Variants in PSME4 observed in about 807,000 individuals in gnomAD.
PSME4 encodes the protein proteasome activator subunit 4.
Under a neutral mutation model 253.9 loss-of-function variants are expected in PSME4, and 89 were observed. The observed-to-expected ratio is 0.35, with a 90% CI of 0.30 to 0.42. PSME4 has a LOEUF of 0.42. Among genes scored for constraint, PSME4 ranks in the 10% least tolerant of loss-of-function variants. PSME4 has a pLI of 1.00. For synonymous variants in PSME4, 851 were observed against 759.2 expected (o/e 1.12, Z -1.99); for missense variants, 2,014 against 2,195.2 (o/e 0.92, Z 1.65).
intron 32 of PSME4, 64 bp downstream of exon 32, chr2:53,896,740 C>A: frequency 1.6e-6 from 2 of 1,250,842 alleles, no homozygotes; most frequent in Non-Finnish European, 2.3e-6. Flanking sequence ...AGAATTTATA[C>A]ATGTCAAGAA....
rs371296070 is a variant in PSME4, at chr2:53,895,563, G to A, written c.3842+20C>T. 127 of 1,595,724 alleles carry A rather than the reference G, an allele frequency of 8.0e-5. No individual in the cohort carries two copies. The highest frequency in any genetic ancestry group is 1.0e-4 in the Non-Finnish European group (118 of 1,172,890). On this transcript the variant is annotated intron_variant, in intron 33 of 46. Transcript: ENST00000404125. The stretch of plus-strand genomic sequence containing the variant: ...TATATCAAAGGCATTTAATGATAAG[G>A]TGCACAGTAAGTTACTTACTTTGGC...
intron 25 of PSME4, 52 bp downstream of exon 25, chr2:53,906,754 A>G (rs367882016): frequency 7.5e-6 from 12 of 1,600,208 alleles, no homozygotes; most frequent in Non-Finnish European, 1.0e-5. Context: ...CTAAATACTC[A>G]TCTGGAAAAT....
In PSME4 at chr2:53,885,832, A is replaced by G. The variant is rs1046177542; in HGVS notation, c.4730-57T>C. The G allele has an allele frequency of 2.2e-5, 27 of 1,250,352 alleles. No homozygotes were observed. In the African/African-American group the frequency reaches 3.5e-4, roughly 16 times the overall value. The allele number at this position is 1,250,352 out of a possible 1,614,324, so 77.5% of individuals were successfully genotyped here. The stretch of plus-strand genomic sequence containing the variant: ...TTTGCCATTCATTTACAGACCACAA[A>G]GTAGAACAATATTGTAATGTTATTG... On this transcript the variant is annotated intron_variant, in intron 40 of 46. Transcript: ENST00000404125.
chr2:53,960,398 CAAA>C (rs1355944056), intron 1 of PSME4, among the ~76,000 whole-genome samples: 2 of 55,256 alleles, frequency 3.6e-5, no homozygotes. Context: ...GACTCCATCT[CAAA>C]AAAAAAAAAA....
intron 3 of PSME4, among the ~76,000 whole-genome samples, chr2:53,940,974 T>TATATACATATTTAA (rs1553338467): frequency 4.8e-5 from 3 of 62,628 alleles, no homozygotes; most frequent in Non-Finnish European, 1.1e-4. Context: ...TATATATATA[T>TATATACATATTTAA]ATATATATAT....
intron 41 of PSME4, among the ~76,000 whole-genome samples, chr2:53,877,184 G>C (rs1187319053): frequency 6.6e-6 from 1 of 150,386 alleles, no homozygotes; most frequent in African/African-American, 2.5e-5. Flanking sequence ...GGGACTCCGG[G>C]GTGCTAAGTT....
chr2:53,899,600 T>C (rs1049236331), intron 29 of PSME4, among the ~76,000 whole-genome samples: 1 of 151,756 alleles, frequency 6.6e-6, no homozygotes, highest in African/African-American at 2.4e-5. Flanking sequence ...GGCAGATCAC[T>C]TGAGGCCAGG....
At position 53,910,071 on chromosome 2, in the gene PSME4, A is replaced by G; in HGVS notation, c.2572+4T>C. Reference sequence around the variant, plus strand: ...CAGATTTACTCAGATTAGGATTCACATACCATATTCAAGTCCAGTATACAA... The same window carrying G: ...CAGATTTACTCAGATTAGGATTCACGTACCATATTCAAGTCCAGTATACAA... On this transcript the variant is annotated splice_donor_region_variant and intron_variant, in intron 21 of 46. Transcript: ENST00000404125. The G allele has an allele frequency of 6.3e-7, 1 of 1,596,234 alleles. No individual in the cohort carries two copies.
At chr2:53,940,317 C>T (rs1317620288) in intron 3 of PSME4, among the ~76,000 whole-genome samples, 2 of 152,112 alleles carry the variant, frequency 1.3e-5, no homozygotes, top group Non-Finnish European at 2.9e-5. Flanking sequence ...TTTATCAACA[C>T]AGTGGCTTAA....
At chr2:53,898,245 C>T (rs1680231491) in intron 30 of PSME4, 56 bp downstream of exon 30, 1 of 1,486,314 alleles carries the variant, frequency 6.7e-7, no homozygotes, top group African/African-American at 1.4e-5. Flanking sequence ...ATGTAGAAAA[C>T]TCCTATAGTA....
At chr2:53,896,388 A>C (rs893907166) in intron 32 of PSME4, among the ~76,000 whole-genome samples, 5 of 152,198 alleles carry the variant, frequency 3.3e-5, no homozygotes. Context: ...ATTTAAATGC[A>C]ATGTTTTAAT....
chr2:53,922,730 T>G lies in PSME4; in HGVS notation c.1979-146A>C. 2.7e-6 allele frequency: 3 copies of G among 1,103,880 alleles called. No individual in the cohort carries two copies. In the Admixed American group the frequency reaches 9.6e-5, roughly 35 times the overall value. The allele number at this position is 1,103,880 out of a possible 1,614,324, so 68.4% of individuals were successfully genotyped here. On this transcript the variant is annotated intron_variant, in intron 16 of 46. Transcript: ENST00000404125. ...TTATTTCTTCTTCATGAAGCTGAGC[T>G]TGTTCCAAAAGGAGGTAGAAACAGA... is the stretch of plus-strand genomic sequence containing the variant.
At chr2:53,886,976 A>C (rs1411446781) in intron 40 of PSME4, among the ~76,000 whole-genome samples, 1 of 152,198 alleles carries the variant, frequency 6.6e-6, no homozygotes, top group Non-Finnish European at 1.5e-5. Flanking sequence ...GAAAGTAGAC[A>C]GTGGTTATAA....
At chr2:53,902,810 G>A (rs1034814758) in intron 27 of PSME4, among the ~76,000 whole-genome samples, 2 of 152,204 alleles carry the variant, frequency 1.3e-5, no homozygotes, top group African/African-American at 4.8e-5. Flanking sequence ...GAACATGGCT[G>A]TGTTTCAAGA....
Position 53,893,675 on chromosome 2 carries a change from T to A in PSME4, c.4037A>T (p.Lys1346Met). Residue 1346 changes from lysine to methionine, a missense_variant and splice_region_variant, in exon 35 of 47, where the codon AAG (lysine) becomes ATG (methionine). Around this residue, in one of 4 missense-constraint regions of PSME4, gnomAD observed 989 missense variants for 1,021.1 expected, o/e 0.97. Coordinates refer to ENST00000404125, the MANE Select transcript of PSME4 (RefSeq NM_014614.3). ...AGGATATGTAAACAATATAGTTACCTTAAAGAGGCAAAAACGTCGTGGATT... is the reference window on the plus strand; with the variant it reads ...AGGATATGTAAACAATATAGTTACCATAAAGAGGCAAAAACGTCGTGGATT... Reference protein sequence around the residue: ...KFNPRRFCLFKGIFRNFDDAF... With the variant: ...KFNPRRFCLFMGIFRNFDDAF... 1.2e-6 allele frequency: 2 copies of A among 1,609,388 alleles called. No homozygotes were observed. The highest frequency in any genetic ancestry group is 1.7e-6 in the Non-Finnish European group (2 of 1,177,398).
chr2:53,926,395 C>G (rs1668559035), intron 12 of PSME4, among the ~76,000 whole-genome samples: 1 of 147,022 alleles, frequency 6.8e-6, no homozygotes. Context: ...GGTAGCTAGC[C>G]AGACACTGTG....
At position 53,970,805 on chromosome 2, in the gene PSME4, C is replaced by A. The variant is rs1179018356; in HGVS notation, c.-21G>T. ...TCCATGAGCCCAGGGACACCCCCCC[C>A]ACCCCCTCCCACCCGAACCCTCCCC... On this transcript the variant is annotated 5_prime_UTR_variant, in exon 1 of 47. Coordinates refer to ENST00000404125, the MANE Select transcript of PSME4 (RefSeq NM_014614.3). The A allele has an allele frequency of 1.7e-5, 25 of 1,481,970 alleles. No homozygotes were observed. The highest frequency in any genetic ancestry group is 1.2e-4 in the South Asian group (9 of 77,606). 91.8% of individuals were successfully genotyped at this position (1,481,970 alleles called of 1,614,324 possible).
intron 41 of PSME4, among the ~76,000 whole-genome samples, chr2:53,884,206 CTTTCT>C (rs772546164): frequency 4.6e-5 from 7 of 151,986 alleles, no homozygotes; most frequent in African/African-American, 7.2e-5. Context: ...TATCGTACAG[CTTTCT>C]TTTCTTTTCT....
chr2:53,963,694 C>T (rs1437529468), intron 1 of PSME4, among the ~76,000 whole-genome samples: 2 of 152,008 alleles, frequency 1.3e-5, no homozygotes, highest in Non-Finnish European at 2.9e-5. Flanking sequence ...TTACAGTAAA[C>T]CTTAGGCAAA....
Sources: allele counts gnomAD v4.1 joint callset (sites outside exome capture counted in the v4.1 genomes callset), GRCh38; gene constraint gnomAD v4.1.1; regional missense constraint gnomAD v4.1.1; transcripts MANE v1.5; gene names NCBI Gene and HGNC (gene_info 2026-07-23, HGNC 2026-07-21).